The following ATP11B variants were observed in gnomAD, a reference collection of about 807,000 sequenced individuals.
The protein encoded by ATP11B is phospholipid-transporting ATPase IF.
In ATP11B, 81 loss-of-function variants were observed where a neutral mutation model predicts 157.8. The observed-to-expected ratio is 0.51, with a 90% confidence interval of 0.43 to 0.62. The LOEUF is 0.62. Ranked by LOEUF, ATP11B falls within the 20% of genes least tolerant of loss-of-function variation. The pLI is 0.00. For missense variants in ATP11B, 1,165 were observed against 1,402.2 expected (o/e 0.83, Z 2.70); for synonymous variants, 451 against 469.4 (o/e 0.96, Z 0.51).
At chr3:182,838,314 A>G (rs776941656) in intron 7 of ATP11B, among the ~76,000 whole-genome samples, 7 of 151,960 alleles carry the variant, frequency 4.6e-5, no homozygotes, top group Non-Finnish European at 7.4e-5. Context: ...GTCTGAGGCA[A>G]TGGCAGATTG....
chr3:182,795,063 C>T (rs1231400911), intron 1 of ATP11B, among the ~76,000 whole-genome samples: 1 of 151,872 alleles, frequency 6.6e-6, no homozygotes, highest in Admixed American at 6.6e-5. Context: ...TAAATAAGAA[C>T]TGCCTACCAC....
chr3:182,872,630 A>G (rs1379999219), intron 18 of ATP11B, 93 bp downstream of exon 18: 5 of 1,065,800 alleles, frequency 4.7e-6, no homozygotes, highest in African/African-American at 1.6e-5. Flanking sequence ...CTCTTTACTA[A>G]CATCCCATGA....
At chr3:182,850,474 AAAAAC>A (rs1248730242) in intron 10 of ATP11B, among the ~76,000 whole-genome samples, 2 of 152,176 alleles carry the variant, frequency 1.3e-5, no homozygotes, top group East Asian at 1.9e-4. Flanking sequence ...CTCCATCTCA[AAAAAC>A]AAAACAAAAC....
intron 2 of ATP11B, among the ~76,000 whole-genome samples, chr3:182,820,580 G>T (rs1301883576): frequency 1.3e-5 from 2 of 152,094 alleles, no homozygotes; most frequent in Admixed American, 6.5e-5. Context: ...TACTCTGGAG[G>T]CTGGCTTCAG....
At chr3:182,849,135 A>G (rs1264321151) in intron 10 of ATP11B, among the ~76,000 whole-genome samples, 1 of 152,240 alleles carries the variant, frequency 6.6e-6, no homozygotes, top group African/African-American at 2.4e-5. Context: ...GATGTAAGCT[A>G]CAGAATGGAA....
Position 182,865,583 on chromosome 3 carries a change from C to G in ATP11B, c.1328C>G (p.Pro443Arg). The G allele has an allele frequency of 6.2e-7, 1 of 1,613,828 alleles. No homozygotes were observed. The highest frequency in any genetic ancestry group is 8.5e-7 in the Non-Finnish European group (1 of 1,179,844). The change falls in exon 13 of 30, where the codon CCA becomes CGA. Residue 443 changes from proline to arginine, a missense_variant. Around this residue, in one of 4 missense-constraint regions of ATP11B, gnomAD observed 737 missense variants for 930.5 expected, o/e 0.79. Coordinates refer to ENST00000323116, the MANE Select transcript of ATP11B (RefSeq NM_014616.3). ...NGRLVPEGPT[P>R]DSSEGNLSYL... ...AGACTTGTACCCGAAGGACCAACACCAGACTCTTCAGAAGGAAACTTATCT... is the reference window on the plus strand; with the variant it reads ...AGACTTGTACCCGAAGGACCAACACGAGACTCTTCAGAAGGAAACTTATCT...
At chr3:182,811,941 T>C (rs1560058164) in intron 1 of ATP11B, among the ~76,000 whole-genome samples, 1 of 152,186 alleles carries the variant, frequency 6.6e-6, no homozygotes. Context: ...TATTTAGTAA[T>C]GGTTTCTTGG....
At chr3:182,873,314 T>C (rs1302014568) in intron 18 of ATP11B, among the ~76,000 whole-genome samples, 1 of 152,222 alleles carries the variant, frequency 6.6e-6, no homozygotes, top group African/African-American at 2.4e-5. Context: ...TAAGGGTGTT[T>C]GCATATTTTT....
chr3:182,843,419 A>G (rs1285237473), intron 8 of ATP11B: 1 of 152,260 alleles, frequency 6.6e-6, no homozygotes, highest in Non-Finnish European at 1.5e-5. Flanking sequence ...TAGTAAGTCT[A>G]GAATATGAAA....
At chr3:182,818,936 AAAAG>A (rs1424767338) in intron 1 of ATP11B, among the ~76,000 whole-genome samples, 1 of 151,420 alleles carries the variant, frequency 6.6e-6, no homozygotes, top group Non-Finnish European at 1.5e-5. Context: ...AAAAAAGAAA[AAAAG>A]AAAAAAACCT....
At chr3:182,883,467 A>G (rs1722569685) in intron 21 of ATP11B, among the ~76,000 whole-genome samples, 1 of 151,746 alleles carries the variant, frequency 6.6e-6, no homozygotes, top group East Asian at 2.0e-4. Context: ...CATTTTGGCC[A>G]GGCTTGTCTC....
intron 1 of ATP11B, among the ~76,000 whole-genome samples, chr3:182,816,425 C>T (rs1302604198): frequency 6.6e-6 from 1 of 152,170 alleles, no homozygotes; most frequent in African/African-American, 2.4e-5. Context: ...GTTTCTGAAC[C>T]TTGCCATGTA....
At chr3:182,895,133 AAAAG>A (rs1400238327) in intron 25 of ATP11B, among the ~76,000 whole-genome samples, 1 of 151,012 alleles carries the variant, frequency 6.6e-6, no homozygotes, top group Non-Finnish European at 1.5e-5. Flanking sequence ...AAAAAAAAAA[AAAAG>A]GAAAGTATCT....
intron 1 of ATP11B, among the ~76,000 whole-genome samples, chr3:182,817,245 T>A (rs1466946529): frequency 6.6e-6 from 1 of 152,036 alleles, no homozygotes; most frequent in East Asian, 1.9e-4. Context: ...TAAAATTCAG[T>A]TTAATTTATA....
At chr3:182,849,305 A>T (rs184193090) in intron 10 of ATP11B, among the ~76,000 whole-genome samples, 1 of 152,330 alleles carries the variant, frequency 6.6e-6, no homozygotes, top group African/African-American at 2.4e-5. Context: ...TTCCTACTGG[A>T]ATAAAAATAG....
intron 25 of ATP11B, among the ~76,000 whole-genome samples, chr3:182,891,507 A>G (rs1163594681): frequency 6.6e-6 from 1 of 151,970 alleles, no homozygotes; most frequent in Admixed American, 6.6e-5. Flanking sequence ...AGCCTAAGTG[A>G]TTTTGTATGT....
Position 182,879,624 on chromosome 3 carries a change from G to A in ATP11B, c.2381G>A (p.Arg794His), listed in dbSNP as rs1035182590. Residue 794 changes from arginine (R) to histidine (H), a missense_variant, in exon 20 of 30, where the codon CGT becomes CAT. Around this residue, in one of 4 missense-constraint regions of ATP11B, gnomAD observed 737 missense variants for 930.5 expected, o/e 0.79. Transcript: ENST00000323116. ...AATTGTTCAGCTGTATTATGCTGTC[G>A]TATGGCTCCACTGCAGAAAGCAAAA... ...CRNCSAVLCC[R>H]MAPLQKAKVI... 1.2e-5 allele frequency: 19 copies of A among 1,612,812 alleles called. No homozygotes were observed. The highest frequency in any genetic ancestry group is 2.2e-5 in the South Asian group (2 of 90,762).
chr3:182,900,297 A>G (rs7340568), intron 28 of ATP11B, among the ~76,000 whole-genome samples: 8,390 of 152,252 alleles, frequency 0.055, 782 homozygotes, highest in African/African-American at 0.19. Flanking sequence ...TTCCTCCTCT[A>G]TAAAATCAGA....
At chr3:182,821,689 T>C (rs1576970774) in intron 2 of ATP11B, among the ~76,000 whole-genome samples, 1 of 152,214 alleles carries the variant, frequency 6.6e-6, no homozygotes, top group African/African-American at 2.4e-5. Context: ...ATATGGCTAG[T>C]GCACTCAGAA....
Sources: gnomAD v4.1 joint callset for allele counts (sites outside exome capture counted in the v4.1 genomes callset) on GRCh38, gnomAD v4.1.1 for gene constraint, gnomAD v4.1.1 regional missense constraint, MANE v1.5 for transcripts, NCBI Gene and HGNC (gene_info 2026-07-23, HGNC 2026-07-21) for gene names.